The following ARB2A variants were observed in gnomAD, a reference collection of about 807,000 sequenced individuals.
ARB2A encodes ARB2 cotranscriptional regulator A.
chr5:94,082,253 A>G, the ARB2A span, among the ~76,000 whole-genome samples: 4 of 152,152 alleles, frequency 2.6e-5, no homozygotes, highest in African/African-American at 9.7e-5. Context: ...GTCATGATTC[A>G]GTTAATCCCC....
chr5:93,620,064 G>C, the ARB2A span: 8 of 152,152 alleles, frequency 5.3e-5, no homozygotes, highest in African/African-American at 1.9e-4. Context: ...TTTCTCCACA[G>C]AGAGATTTAA....
chr5:93,667,242 T>C, the ARB2A span, among the ~76,000 whole-genome samples: 1 of 152,318 alleles, frequency 6.6e-6, no homozygotes, highest in African/African-American at 2.4e-5. Context: ...GAAACCTCCT[T>C]GTACCCTTTC....
chr5:94,050,244 AAC>A, the ARB2A span, among the ~76,000 whole-genome samples: 2 of 151,386 alleles, frequency 1.3e-5, no homozygotes, highest in African/African-American at 4.9e-5. Flanking sequence ...CTCACCTAAA[AAC>A]AGAAACTTTT....
chr5:93,827,909 G>A, the ARB2A span, among the ~76,000 whole-genome samples: 3 of 152,100 alleles, frequency 2.0e-5, no homozygotes, highest in Admixed American at 6.5e-5. Flanking sequence ...ATAGTCGTAG[G>A]CATGCGGCGT....
the ARB2A span, among the ~76,000 whole-genome samples, chr5:93,707,117 C>G: frequency 1.3e-5 from 2 of 151,988 alleles, no homozygotes; most frequent in Non-Finnish European, 2.9e-5. Flanking sequence ...CAAAACAAGA[C>G]AAGGAAAAAT....
the ARB2A span, among the ~76,000 whole-genome samples, chr5:93,868,453 AG>A: frequency 2.0e-5 from 3 of 152,212 alleles, no homozygotes; most frequent in Admixed American, 6.5e-5. Flanking sequence ...ATAAAGCCAC[AG>A]TGTGCATGCG....
chr5:93,990,824 C>T, the ARB2A span, among the ~76,000 whole-genome samples: 4 of 151,934 alleles, frequency 2.6e-5, no homozygotes, highest in East Asian at 7.8e-4. Context: ...AGAAGGAAAA[C>T]AAAGGAGATA....
At chr5:93,883,230 A>G in the ARB2A span, among the ~76,000 whole-genome samples, 2 of 151,572 alleles carry the variant, frequency 1.3e-5, no homozygotes, top group East Asian at 3.9e-4. Flanking sequence ...TAATTAAGAT[A>G]CAGTCATCTT....
chr5:93,870,614 A>C, the ARB2A span, among the ~76,000 whole-genome samples: 4 of 152,188 alleles, frequency 2.6e-5, no homozygotes, highest in Non-Finnish European at 5.9e-5. Context: ...CACTGTATTG[A>C]CATTTGCATT....
the ARB2A span, among the ~76,000 whole-genome samples, chr5:93,857,157 G>T: frequency 6.6e-6 from 1 of 152,158 alleles, no homozygotes; most frequent in Non-Finnish European, 1.5e-5. Flanking sequence ...TGTCTCAGAG[G>T]AGTACCCGGC....
the ARB2A span, chr5:94,055,604 TG>T: frequency 2.0e-6 from 2 of 984,070 alleles, no homozygotes; most frequent in Non-Finnish European, 2.4e-6. Flanking sequence ...TCACATATAC[TG>T]GGTTTAAAAA....
chr5:93,941,078 T>C, the ARB2A span, among the ~76,000 whole-genome samples: 1 of 152,188 alleles, frequency 6.6e-6, no homozygotes, highest in Non-Finnish European at 1.5e-5. Context: ...CAACTAATTA[T>C]TCCAGTTATT....
the ARB2A span, among the ~76,000 whole-genome samples, chr5:94,022,650 T>C: frequency 6.6e-6 from 1 of 152,248 alleles, no homozygotes; most frequent in Non-Finnish European, 1.5e-5. Flanking sequence ...GTTATACCTG[T>C]TATATTTGTA....
chr5:93,976,341 C>T, the ARB2A span, among the ~76,000 whole-genome samples: 17 of 152,022 alleles, frequency 1.1e-4, 1 homozygote, highest in Non-Finnish European at 2.5e-4. Context: ...AGAAGTATTC[C>T]CCCTAAGAAG....
chr5:93,990,695 T>C, the ARB2A span, among the ~76,000 whole-genome samples: 24 of 151,030 alleles, frequency 1.6e-4, no homozygotes, highest in African/African-American at 5.6e-4. Context: ...ATAATAGAGT[T>C]ACTAGTATTT....
chr5:93,967,761 T>C, the ARB2A span, among the ~76,000 whole-genome samples: 2 of 152,160 alleles, frequency 1.3e-5, no homozygotes, highest in East Asian at 3.9e-4. Flanking sequence ...CCTGCAATAG[T>C]TGAAGAGAAA....
At chr5:94,048,385 A>T in the ARB2A span, among the ~76,000 whole-genome samples, 2 of 151,910 alleles carry the variant, frequency 1.3e-5, no homozygotes, top group Non-Finnish European at 2.9e-5. Context: ...AGCAGAAATT[A>T]CTCAGGGCAT....
At chr5:93,944,804 T>C in the ARB2A span, among the ~76,000 whole-genome samples, 3 of 152,096 alleles carry the variant, frequency 2.0e-5, no homozygotes, top group Admixed American at 6.5e-5. Context: ...GTCACCTCTG[T>C]ATATATTTGT....
the ARB2A span, among the ~76,000 whole-genome samples, chr5:93,935,274 T>C: frequency 1.3e-5 from 2 of 152,040 alleles, no homozygotes; most frequent in Non-Finnish European, 2.9e-5. Flanking sequence ...ATAACAGTAC[T>C]ACAGGAAAAC....
Sources: allele counts gnomAD v4.1 joint callset (sites outside exome capture counted in the v4.1 genomes callset), GRCh38; gene constraint gnomAD v4.1.1; transcripts MANE v1.5; gene names NCBI Gene and HGNC (gene_info 2026-07-23, HGNC 2026-07-21).